Variants in RNF14 observed in about 807,000 individuals in gnomAD.
RNF14 encodes E3 ubiquitin-protein ligase RNF14.
Under a neutral mutation model 52.6 loss-of-function variants are expected in RNF14, and 26 were observed. The ratio of observed to expected loss-of-function variants is 0.49; its 90% CI spans 0.36 to 0.69. RNF14 has a LOEUF of 0.69. RNF14 is among the 30% of genes least tolerant of loss of function. The probability of loss-of-function intolerance (pLI) is 0.00; values close to 1 mark genes in which losing one functional copy is unlikely to be tolerated. For synonymous variants in RNF14, 194 were observed against 202.0 expected (o/e 0.96, Z 0.34); for missense variants, 404 against 560.4 (o/e 0.72, Z 2.82).
chr5:141,984,102 T>C (rs1231018267), intron 7 of RNF14, among the ~76,000 whole-genome samples: 1 of 95,998 alleles, frequency 1.0e-5, no homozygotes, highest in Non-Finnish European at 2.4e-5. Flanking sequence ...ATGTAATCAC[T>C]TTTTTTTTTT....
chr5:141,985,390 A>C (rs1484612189), intron 8 of RNF14, among the ~76,000 whole-genome samples: 1 of 152,222 alleles, frequency 6.6e-6, no homozygotes, highest in Non-Finnish European at 1.5e-5. Context: ...TATCTAGTAA[A>C]CAAACATATT....
At chr5:141,957,180 C>T (rs144069912), upstream of RNF14, 6 of 1,614,102 alleles carry the variant, frequency 3.7e-6, no homozygotes, top group Admixed American at 1.0e-4. The surrounding 1 kb of genome is among the most constrained non-coding windows in gnomAD (Gnocchi z 4.3). Context: ...TGGTACCTGA[C>T]TTGGGGGGGT....
At chr5:141,957,536 C>T (rs776419394), upstream of RNF14, 1 of 1,614,076 alleles carries the variant, frequency 6.2e-7, no homozygotes, top group Middle Eastern at 1.6e-4. This position sits in a 1 kb window ranked among gnomAD's most constrained non-coding sequence, Gnocchi z 4.3. Context: ...TCAAAGGAAA[C>T]CAGGCAGGGA....
chr5:141,970,281 A>T (rs75746303), intron 1 of RNF14, among the ~76,000 whole-genome samples: 1,900 of 152,328 alleles, frequency 0.012, 19 homozygotes, highest in Non-Finnish European at 0.019. Context: ...ACCAAAATTA[A>T]CCTTGAGTGC....
intron 3 of RNF14, 123 bp downstream of exon 3, chr5:141,973,865 A>G: frequency 2.5e-6 from 2 of 794,788 alleles, no homozygotes; most frequent in Non-Finnish European, 3.8e-6. Flanking sequence ...GAGGTAATGC[A>G]TGTTTCTGTT....
At chr5:141,976,540 C>G in intron 4 of RNF14, among the ~76,000 whole-genome samples, 1 of 152,076 alleles carries the variant, frequency 6.6e-6, no homozygotes, top group East Asian at 1.9e-4. Context: ...CTCTTATATT[C>G]CTTCTTGGTT....
Position 141,983,427 on chromosome 5 carries a change from AAT to A in RNF14, c.1113_1114del (p.Asn371LysfsTer10), listed in dbSNP as rs770279604. ...TGAATACCTGCAAGCGGATGAGGCT[AAT>A]AAAAGACTTTTGGATCAAAGGTATG... is the stretch of plus-strand genomic sequence containing the variant. ...RNEYLQADEANKRLLDQRYGK... is the reference protein window; with the variant it reads ...RNEYLQADEAXKRLLDQRYGK... On this transcript the variant is annotated frameshift_variant, in exon 7 of 9. Transcript: ENST00000394520. LOFTEE classifies it high-confidence loss of function. 6.2e-7 allele frequency: 1 copy of A among 1,613,800 alleles called. No homozygotes were observed. The highest frequency in any genetic ancestry group is 1.1e-5 in the South Asian group (1 of 91,056).
At chr5:141,973,049 C>T (rs576864514) in intron 2 of RNF14, among the ~76,000 whole-genome samples, 1 of 152,258 alleles carries the variant, frequency 6.6e-6, no homozygotes, top group East Asian at 1.9e-4. Context: ...CATAAAATAT[C>T]TAACTGATAA....
At position 141,980,300 on chromosome 5, in the gene RNF14, A is replaced by G; in HGVS notation, c.1012A>G (p.Thr338Ala). The change falls in exon 6 of 9, where the codon ACT becomes GCT. Residue 338 changes from threonine to alanine, a missense_variant. By Grantham distance (58) the Thr-to-Ala change is moderately conservative (BLOSUM62 0). Coordinates refer to ENST00000394520, the MANE Select transcript of RNF14 (RefSeq NM_004290.5). The stretch of plus-strand genomic sequence containing the variant: ...CTCCAGCTGCAATTTTGCCTTCTGT[A>G]CTTTGTGCAGGTTGACCTACCATGG... The part of the protein sequence containing the change: ...ICSSCNFAFC[T>A]LCRLTYHGVS... 6.2e-7 allele frequency: 1 copy of G among 1,614,172 alleles called. No homozygotes were observed. The highest frequency in any genetic ancestry group is 8.5e-7 in the Non-Finnish European group (1 of 1,180,044).
upstream of RNF14, chr5:141,954,878 G>T: frequency 6.8e-7 from 1 of 1,463,284 alleles, no homozygotes. Context: ...GCCTAAGGAA[G>T]AAACATGAGG....
At chr5:141,968,715 G>C (rs549917158), upstream of RNF14, among the ~76,000 whole-genome samples, 4 of 152,330 alleles carry the variant, frequency 2.6e-5, no homozygotes, top group Non-Finnish European at 5.9e-5. Context: ...TAACATGAGC[G>C]ATGAATGCGT....
At chr5:141,987,386 A>G (rs1242019236) in intron 8 of RNF14, among the ~76,000 whole-genome samples, 1 of 152,150 alleles carries the variant, frequency 6.6e-6, no homozygotes, top group East Asian at 1.9e-4. Flanking sequence ...TTTGTCCCAT[A>G]TCATTGCTGG....
the RNF14 span, among the ~76,000 whole-genome samples, chr5:141,950,063 G>C: frequency 6.6e-6 from 1 of 152,314 alleles, no homozygotes; most frequent in African/African-American, 2.4e-5. Flanking sequence ...GCTCAGAACA[G>C]GGCGTGGCAC....
chr5:141,956,719 G>T, upstream of RNF14: 1 of 1,614,218 alleles, frequency 6.2e-7, no homozygotes, highest in South Asian at 1.1e-5. Flanking sequence ...CAAGTCATCT[G>T]CCATGACAAG....
intron 6 of RNF14, 69 bp from the exon 7 acceptor site, chr5:141,983,311 C>A: frequency 2.5e-6 from 3 of 1,207,806 alleles, no homozygotes; most frequent in Non-Finnish European, 3.5e-6. Context: ...AAGATTATAG[C>A]CATTTTTAAT....
intron 7 of RNF14, 108 bp from the exon 8 acceptor site, chr5:141,984,695 A>G (rs1239869975): frequency 1.0e-6 from 1 of 973,566 alleles, no homozygotes; most frequent in Non-Finnish European, 1.6e-6. Flanking sequence ...AACCCTGCAT[A>G]AGAAAAGGGA....
Position 141,970,718 on chromosome 5 carries a change from A to T in RNF14, c.-166A>T, listed in dbSNP as rs915804710. The T allele has an allele frequency of 6.6e-6, 1 of 152,372 alleles. No homozygotes were observed. The highest frequency in any genetic ancestry group is 1.5e-5 in the Non-Finnish European group (1 of 68,044). 9.4% of individuals were successfully genotyped at this position (152,372 alleles called of 1,614,324 possible). Reference sequence around the variant, plus strand: ...CTTTTCTGCAGATGGCAGGATTTTCATAATATATGTAGTATGAGTTCCACA... The same window carrying T: ...CTTTTCTGCAGATGGCAGGATTTTCTTAATATATGTAGTATGAGTTCCACA... On this transcript the variant is annotated 5_prime_UTR_variant, in exon 2 of 9. Transcript: ENST00000394520.
chr5:141,986,202 C>T (rs1755222554), intron 8 of RNF14, among the ~76,000 whole-genome samples: 1 of 152,140 alleles, frequency 6.6e-6, no homozygotes, highest in Admixed American at 6.5e-5. Context: ...TCCTGTTCTC[C>T]AAGAGCTCTC....
At chr5:141,972,446 G>T (rs1753866323) in intron 2 of RNF14, among the ~76,000 whole-genome samples, 2 of 151,984 alleles carry the variant, frequency 1.3e-5, no homozygotes, top group Non-Finnish European at 2.9e-5. Flanking sequence ...CCACTATTGG[G>T]TATCTAGTGG....
Sources: gnomAD v4.1 joint callset for allele counts (sites outside exome capture counted in the v4.1 genomes callset) on GRCh38, gnomAD v4.1.1 for gene constraint, Gnocchi (gnomAD v3.1) non-coding constraint, MANE v1.5 for transcripts, NCBI Gene and HGNC (gene_info 2026-07-23, HGNC 2026-07-21) for gene names.